KIAA1217: variants seen among roughly 807,000 people sequenced by gnomAD.
The protein encoded by KIAA1217 is KIAA1217, also known as sickle tail protein homolog.
Under a neutral mutation model 163.9 loss-of-function variants are expected in KIAA1217, and 88 were observed. The ratio of observed to expected loss-of-function variants is 0.54; its 90% CI spans 0.45 to 0.64. The LOEUF (loss-of-function observed/expected upper bound fraction) is 0.64. Ranked by LOEUF, KIAA1217 falls within the 30% of genes least tolerant of loss-of-function variation. The pLI is 0.00. For synonymous variants in KIAA1217, 903 were observed against 923.1 expected (o/e 0.98, Z 0.39); for missense variants, 2,372 against 2,475.0 (o/e 0.96, Z 0.88).
intron 1 of KIAA1217, among the ~76,000 whole-genome samples, chr10:23,899,226 G>A (rs906201059): frequency 1.3e-5 from 2 of 152,062 alleles, no homozygotes; most frequent in Admixed American, 6.6e-5. Context: ...TAGGGCACAT[G>A]CTAACTTTAC....
intron 2 of KIAA1217, among the ~76,000 whole-genome samples, chr10:24,300,282 T>G (rs570743443): frequency 6.6e-6 from 1 of 152,324 alleles, no homozygotes; most frequent in East Asian, 1.9e-4. Flanking sequence ...TTGGGAGAAT[T>G]ATTTCCAATT....
At chr10:24,335,623 TATTG>T (rs762908001) in intron 2 of KIAA1217, among the ~76,000 whole-genome samples, 1,322 of 117,132 alleles carry the variant, frequency 0.011, 19 homozygotes, top group African/African-American at 0.018. Flanking sequence ...TTTATTTATT[TATTG>T]GAGATGGAGT....
chr10:24,109,277 G>A (rs1041333695), intron 2 of KIAA1217, among the ~76,000 whole-genome samples: 10 of 152,124 alleles, frequency 6.6e-5, no homozygotes, highest in East Asian at 1.9e-4. Flanking sequence ...ATGGAAAGAC[G>A]CTAACTCTTT....
intron 2 of KIAA1217, among the ~76,000 whole-genome samples, chr10:24,317,209 G>C (rs2043504617): frequency 6.6e-6 from 1 of 152,094 alleles, no homozygotes; most frequent in African/African-American, 2.4e-5. Context: ...CTAATATCTA[G>C]TGCTGATACA....
At chr10:23,992,744 T>C (rs545895766) in intron 1 of KIAA1217, among the ~76,000 whole-genome samples, 1 of 151,714 alleles carries the variant, frequency 6.6e-6, no homozygotes, top group East Asian at 1.9e-4. Context: ...GGCATGCCTG[T>C]TGGCCCCTAC....
intron 3 of KIAA1217, among the ~76,000 whole-genome samples, chr10:24,399,975 A>G (rs1465834413): frequency 6.6e-6 from 1 of 152,238 alleles, no homozygotes; most frequent in Non-Finnish European, 1.5e-5. Flanking sequence ...TATTTCAGAG[A>G]TGGGTACCAT....
chr10:24,422,080 A>G (rs965788283), intron 3 of KIAA1217, among the ~76,000 whole-genome samples: 4 of 152,188 alleles, frequency 2.6e-5, no homozygotes, highest in African/African-American at 9.6e-5. Context: ...ACATGGTGGC[A>G]GGCAAAGAGA....
chr10:24,269,063 G>A (rs1388394614), intron 2 of KIAA1217, among the ~76,000 whole-genome samples: 1 of 115,242 alleles, frequency 8.7e-6, no homozygotes, highest in Non-Finnish European at 1.7e-5. Flanking sequence ...CTGTGGTGGG[G>A]TGGGGGGAGG....
chr10:23,884,589 G>A (rs1256727234), intron 1 of KIAA1217, among the ~76,000 whole-genome samples: 1 of 151,940 alleles, frequency 6.6e-6, no homozygotes, highest in Non-Finnish European at 1.5e-5. Flanking sequence ...CTATCAGTTT[G>A]ATATTCTCAG....
intron 1 of KIAA1217, among the ~76,000 whole-genome samples, chr10:23,960,290 T>A (rs1362076807): frequency 6.6e-6 from 1 of 150,830 alleles, no homozygotes; most frequent in Non-Finnish European, 1.5e-5. Flanking sequence ...TCTGCTGTTT[T>A]CTCAAATGCC....
At chr10:23,820,341 G>A (rs1837561972) in intron 1 of KIAA1217, among the ~76,000 whole-genome samples, 1 of 152,100 alleles carries the variant, frequency 6.6e-6, no homozygotes, top group African/African-American at 2.4e-5. Context: ...TTTGTTTAAT[G>A]CCATGAAATA....
At chr10:23,941,082 T>C (rs546857568) in intron 1 of KIAA1217, among the ~76,000 whole-genome samples, 7 of 152,336 alleles carry the variant, frequency 4.6e-5, no homozygotes, top group South Asian at 4.1e-4. Context: ...AGGTAAAGCA[T>C]AGGACATTAC....
intron 13 of KIAA1217, 39 bp from the exon 14 acceptor site, chr10:24,527,897 G>A: frequency 6.5e-7 from 1 of 1,532,562 alleles, no homozygotes; most frequent in East Asian, 2.2e-5. Context: ...TCTCCTCTAT[G>A]TGTCCACGTA....
intron 1 of KIAA1217, among the ~76,000 whole-genome samples, chr10:23,774,709 G>A (rs1227360656): frequency 1.3e-5 from 2 of 152,156 alleles, no homozygotes; most frequent in African/African-American, 2.4e-5. Flanking sequence ...GAAACCAGAG[G>A]TGGAAGAAAA....
rs1444356457 is a variant in KIAA1217, at chr10:23,817,988, T to C, written c.-321+122754T>C. The stretch of plus-strand genomic sequence containing the variant: ...ATATATATATATATATATATATATA[T>C]ATATATATATATATATATATACACA... On this transcript the variant is annotated intron_variant, in intron 1 of 18. Coordinates refer to the KIAA1217 transcript ENST00000376462. Among the ~76,000 whole-genome samples, 241 of 120,368 alleles carry C rather than the reference T, an allele frequency of 2.0e-3. 3 individuals are homozygous for C. Among genetic ancestry groups the C allele is most frequent in the African/African-American group, 7.7e-3 (230 of 30,002 alleles). 79.0% of individuals were successfully genotyped at this position (120,368 alleles called of 152,430 possible). A position where few individuals can be genotyped will look rare whatever the true frequency, so the allele number is the denominator to read the frequency against.
At chr10:24,505,193 C>A (rs557786827) in intron 9 of KIAA1217, among the ~76,000 whole-genome samples, 1 of 151,082 alleles carries the variant, frequency 6.6e-6, no homozygotes, top group Non-Finnish European at 1.5e-5. Context: ...CCAGCTATTA[C>A]CAATGACTTA....
At chr10:24,273,549 T>C (rs1438557836) in intron 2 of KIAA1217, among the ~76,000 whole-genome samples, 1 of 152,092 alleles carries the variant, frequency 6.6e-6, no homozygotes, top group East Asian at 1.9e-4. Context: ...GTCACATCTT[T>C]AATTAGAAGT....
At chr10:24,509,965 T>A (rs2068873284) in intron 9 of KIAA1217, among the ~76,000 whole-genome samples, 1 of 152,186 alleles carries the variant, frequency 6.6e-6, no homozygotes, top group Admixed American at 6.5e-5. Context: ...GGTCTTGCTG[T>A]CTCAGGGGTG....
Position 23,790,313 on chromosome 10 carries a change from A to ATG in KIAA1217, c.-321+95079_-321+95080insTG, listed in dbSNP as rs1835756037. On this transcript the variant is annotated intron_variant, in intron 1 of 18. Transcript: ENST00000376462. ...TATGCATATGCACATATGCATATAT[A>ATG]CATATGCACATATGCATATATGCAT... is the stretch of plus-strand genomic sequence containing the variant. Among the ~76,000 whole-genome samples the ATG allele has an allele frequency of 6.3e-5, 6 of 95,894 alleles. 1 individual carries two copies. The highest frequency in any genetic ancestry group is 1.0e-4 in the African/African-American group (2 of 19,400). 62.9% of individuals were successfully genotyped at this position (95,894 alleles called of 152,430 possible).
Sources: allele counts gnomAD v4.1 joint callset (sites outside exome capture counted in the v4.1 genomes callset), GRCh38; gene constraint gnomAD v4.1.1; transcripts MANE v1.5; gene names NCBI Gene and HGNC (gene_info 2026-07-23, HGNC 2026-07-21).